Variants in MYO18B observed in about 807,000 individuals in gnomAD.
MYO18B encodes the protein unconventional myosin-XVIIIb.
Under a neutral mutation model 273.0 loss-of-function variants are expected in MYO18B, and 204 were observed. That is an observed-to-expected ratio of 0.75 (90% confidence interval 0.67 to 0.84). The LOEUF (loss-of-function observed/expected upper bound fraction) is 0.84, where lower values mean the gene tolerates loss of function less well. Among genes scored for constraint, MYO18B ranks in the 40% least tolerant of loss-of-function variants. MYO18B has a pLI of 0.00. For missense variants in MYO18B, 3,212 were observed against 3,287.6 expected (o/e 0.98, Z 0.56); for synonymous variants, 1,330 against 1,305.7 (o/e 1.02, Z -0.40).
chr22:25,975,387 A>T (rs963245294), intron 39 of MYO18B, among the ~76,000 whole-genome samples: 8 of 152,164 alleles, frequency 5.3e-5, no homozygotes, highest in Non-Finnish European at 1.2e-4. Context: ...CGGCATCCTA[A>T]TATCATATAG....
At chr22:26,018,276 A>G (rs1443581879) in intron 42 of MYO18B, among the ~76,000 whole-genome samples, 1 of 152,140 alleles carries the variant, frequency 6.6e-6, no homozygotes, top group Non-Finnish European at 1.5e-5. Context: ...TAAGGAATGT[A>G]GGATATTCAC....
chr22:25,768,770 A>C lies in MYO18B; in HGVS notation c.854A>C (p.Glu285Ala), dbSNP rs891623893. The change falls in exon 4 of 44, where the codon GAG becomes GCG. Residue 285 changes from glutamate (E) to alanine (A), a missense_variant. Glu to Ala is a moderately radical substitution (Grantham distance 107). Coordinates refer to ENST00000335473, the MANE Select transcript of MYO18B (RefSeq NM_032608.7). ...GTGCGACCAGGGAAAGCAGAGAAGGAGGGAGCAGAGCCCACAAACACGGTG... is the reference window on the plus strand; with the variant it reads ...GTGCGACCAGGGAAAGCAGAGAAGGCGGGAGCAGAGCCCACAAACACGGTG... ...EGVRPGKAEKEGAEPTNTVEK... is the reference protein window; with the variant it reads ...EGVRPGKAEKAGAEPTNTVEK... 2.5e-6 allele frequency: 4 copies of C among 1,608,398 alleles called. No homozygotes were observed. Among genetic ancestry groups the C allele is most frequent in the Non-Finnish European group, 3.4e-6 (4 of 1,177,262 alleles).
At chr22:25,996,522 G>T (rs550868788) in intron 40 of MYO18B, among the ~76,000 whole-genome samples, 1 of 152,144 alleles carries the variant, frequency 6.6e-6, no homozygotes, top group African/African-American at 2.4e-5. Flanking sequence ...GAGCCTAGGG[G>T]TGGTCCTGCT....
At chr22:25,806,192 A>T (rs529861993) in intron 12 of MYO18B, among the ~76,000 whole-genome samples, 12 of 152,254 alleles carry the variant, frequency 7.9e-5, no homozygotes, top group African/African-American at 2.9e-4. Context: ...GCGATGAGGG[A>T]TGTGAAGGGG....
intron 17 of MYO18B, among the ~76,000 whole-genome samples, chr22:25,837,431 G>T (rs1052100279): frequency 1.4e-4 from 22 of 152,242 alleles, no homozygotes; most frequent in Admixed American, 1.3e-3. Context: ...CGGCTGAAAG[G>T]TCAAGTGAGG....
chr22:25,895,881 G>A (rs939423709), intron 28 of MYO18B, among the ~76,000 whole-genome samples: 1 of 150,490 alleles, frequency 6.6e-6, no homozygotes, highest in Non-Finnish European at 1.5e-5. Flanking sequence ...ACAGGTTTCT[G>A]TGCTCCTCCC....
At position 25,851,552 on chromosome 22, in the gene MYO18B, G is replaced by A. The variant is rs1240417065; in HGVS notation, c.3858G>A (p.Ser1286=). 4 of 1,558,830 alleles carry A rather than the reference G, an allele frequency of 2.6e-6. No individual in the cohort carries two copies. Among genetic ancestry groups the A allele is most frequent in the East Asian group, 2.4e-5 (1 of 41,586 alleles). Residue 1286 remains serine (S), a synonymous_variant, in exon 21 of 44, where the codon TCG becomes TCA. Coordinates refer to ENST00000335473, the MANE Select transcript of MYO18B (RefSeq NM_032608.7). The stretch of plus-strand genomic sequence containing the variant: ...CTCCACTCCTGAAGAAGCTCATGTC[G>A]ACCTCCGAGGGAATAGATGAAAGGA... The part of the protein sequence containing the change: ...LDAPLLKKLM[S]TSEGIDERKA...
intron 23 of MYO18B, 122 bp downstream of exon 23, chr22:25,874,536 C>CT: frequency 8.3e-7 from 1 of 1,198,050 alleles, no homozygotes; most frequent in Non-Finnish European, 1.2e-6. Context: ...AGCAGTGAGA[C>CT]TTTAAGTGAG....
chr22:25,945,340 A>G (rs765145444), intron 34 of MYO18B, among the ~76,000 whole-genome samples: 2 of 152,044 alleles, frequency 1.3e-5, no homozygotes, highest in Non-Finnish European at 2.9e-5. Flanking sequence ...TCTACTGCAC[A>G]AAGAGGTTGT....
Position 25,965,445 on chromosome 22 carries a change from G to A in MYO18B, c.6156+10081G>A, listed in dbSNP as rs112526364. On this transcript the variant is annotated intron_variant, in intron 39 of 43. Transcript: ENST00000335473. ...GACCACCAGGAAAAAAGATCGGGGC[G>A]GTGATGTGCTGGTAAATGTTTAACA... 6.9e-3 allele frequency among the ~76,000 whole-genome samples: 1,055 copies of A among 152,268 alleles called. 11 individuals carry two copies. The highest frequency in any genetic ancestry group is 0.021 in the South Asian group (99 of 4,824).
At chr22:25,962,892 G>C (rs2092932197) in intron 39 of MYO18B, among the ~76,000 whole-genome samples, 1 of 152,174 alleles carries the variant, frequency 6.6e-6, no homozygotes, top group African/African-American at 2.4e-5. Context: ...GCAATGTCCA[G>C]GTTGCCGGAG....
At chr22:26,045,406 A>G in the MYO18B span, among the ~76,000 whole-genome samples, 4 of 152,228 alleles carry the variant, frequency 2.6e-5, no homozygotes, top group African/African-American at 9.6e-5. Flanking sequence ...TTAGTCAGGG[A>G]AAGGCTTTAG....
At chr22:25,972,150 A>G (rs2093042327) in intron 39 of MYO18B, among the ~76,000 whole-genome samples, 1 of 150,862 alleles carries the variant, frequency 6.6e-6, no homozygotes, top group Non-Finnish European at 1.5e-5. Flanking sequence ...TAAATAAAAT[A>G]TATGTATTTT....
chr22:25,941,542 C>T (rs746907198), intron 34 of MYO18B, among the ~76,000 whole-genome samples: 4 of 152,172 alleles, frequency 2.6e-5, no homozygotes, highest in East Asian at 3.8e-4. Flanking sequence ...GACTTGCCAC[C>T]GACTTCATAA....
intron 34 of MYO18B, among the ~76,000 whole-genome samples, chr22:25,945,253 C>T (rs936279982): frequency 6.6e-6 from 1 of 152,076 alleles, no homozygotes; most frequent in Non-Finnish European, 1.5e-5. Context: ...TCCCATGGGC[C>T]GTCAAACCAC....
chr22:25,974,895 G>A (rs550746947), intron 39 of MYO18B, among the ~76,000 whole-genome samples: 12 of 152,290 alleles, frequency 7.9e-5, no homozygotes, highest in South Asian at 4.1e-4. Context: ...GAGGGAATGC[G>A]GGGGAAGAAG....
intron 39 of MYO18B, among the ~76,000 whole-genome samples, chr22:25,989,282 C>T (rs1345569609): frequency 6.6e-6 from 1 of 152,148 alleles, no homozygotes; most frequent in East Asian, 1.9e-4. Context: ...TCAGACAGGT[C>T]ATTTGGTTAG....
chr22:25,834,522 A>G (rs1319065356), intron 16 of MYO18B, among the ~76,000 whole-genome samples: 1 of 152,190 alleles, frequency 6.6e-6, no homozygotes, highest in Non-Finnish European at 1.5e-5. Context: ...TGGTTTGCAT[A>G]GGACTTTCCC....
In MYO18B at chr22:25,823,518, G is replaced by C; in HGVS notation, c.2535G>C (p.Gln845His). 6.2e-7 allele frequency: 1 copy of C among 1,613,958 alleles called. No homozygotes were observed. Among genetic ancestry groups the C allele is most frequent in the South Asian group, 1.1e-5 (1 of 91,088 alleles). Residue 845 changes from glutamine (Q) to histidine (H), a missense_variant, in exon 13 of 44, where the codon CAG becomes CAC. By Grantham distance (24) the Gln-to-His change is conservative. Transcript: ENST00000335473. ...TCCCCTTTGCAGTGGGTCGGAAGCA[G>C]TTCATGAGGTTTGAGTGGGCAAACT... is the stretch of plus-strand genomic sequence containing the variant. ...AAGACKVGRK[Q>H]FMRFEWANYA...
Sources: gnomAD v4.1 joint callset for allele counts (sites outside exome capture counted in the v4.1 genomes callset) on GRCh38, gnomAD v4.1.1 for gene constraint, MANE v1.5 for transcripts, NCBI Gene and HGNC (gene_info 2026-07-23, HGNC 2026-07-21) for gene names.